Variants in MDGA2 observed in about 807,000 individuals in gnomAD.
MDGA2 encodes MAM domain-containing glycosylphosphatidylinositol anchor protein 2.
Under a neutral mutation model 117.8 loss-of-function variants are expected in MDGA2, and 40 were observed. The ratio of observed to expected loss-of-function variants is 0.34; its 90% CI spans 0.26 to 0.44. The LOEUF is 0.44. MDGA2 is among the 20% of genes least tolerant of loss of function. MDGA2 has a pLI of 1.00. For missense variants in MDGA2, 1,123 were observed against 1,250.6 expected (o/e 0.90, Z 1.54); for synonymous variants, 452 against 439.0 (o/e 1.03, Z -0.37).
intron 1 of MDGA2, among the ~76,000 whole-genome samples, chr14:47,431,904 T>C (rs1335829944): frequency 6.6e-6 from 1 of 152,038 alleles, no homozygotes; most frequent in Non-Finnish European, 1.5e-5. Flanking sequence ...CCACGACATA[T>C]TTGACTACAA....
intron 8 of MDGA2, among the ~76,000 whole-genome samples, chr14:47,017,416 A>G (rs1157483276): frequency 1.3e-5 from 2 of 152,046 alleles, no homozygotes; most frequent in Non-Finnish European, 1.5e-5. Flanking sequence ...AATACATACA[A>G]TAAGAAATAA....
At chr14:47,322,227 A>T (rs1350899688) in intron 1 of MDGA2, among the ~76,000 whole-genome samples, 4 of 152,178 alleles carry the variant, frequency 2.6e-5, no homozygotes, top group Non-Finnish European at 5.9e-5. Context: ...ACCTTAGCAG[A>T]AATAACTTAA....
intron 1 of MDGA2, among the ~76,000 whole-genome samples, chr14:47,358,993 G>T (rs745583926): frequency 5.9e-5 from 9 of 152,132 alleles, no homozygotes; most frequent in Non-Finnish European, 1.2e-4. Context: ...AACCACAAAA[G>T]ACTTCAAGTA....
intron 8 of MDGA2, among the ~76,000 whole-genome samples, chr14:46,974,955 T>A (rs1009515637): frequency 2.0e-5 from 3 of 152,020 alleles, no homozygotes; most frequent in Non-Finnish European, 4.4e-5. Flanking sequence ...CTCAGATTTA[T>A]GATAAGCAAT....
intron 11 of MDGA2, among the ~76,000 whole-genome samples, chr14:46,880,944 A>G (rs1882428881): frequency 6.6e-6 from 1 of 151,652 alleles, no homozygotes; most frequent in Non-Finnish European, 1.5e-5. Context: ...TTTTTCTCCA[A>G]ATAGGACATT....
chr14:47,573,131 A>G (rs1387168748), intron 1 of MDGA2, among the ~76,000 whole-genome samples: 1 of 152,094 alleles, frequency 6.6e-6, no homozygotes. Flanking sequence ...CCATAACCAA[A>G]TATATCCATT....
At chr14:47,323,378 C>T (rs1439612523) in intron 1 of MDGA2, among the ~76,000 whole-genome samples, 1 of 151,770 alleles carries the variant, frequency 6.6e-6, no homozygotes, top group African/African-American at 2.4e-5. Context: ...GTAATCTCAG[C>T]ATACTGGGAG....
chr14:47,671,181 ACC>A (rs1387045464), intron 1 of MDGA2, among the ~76,000 whole-genome samples: 1 of 152,198 alleles, frequency 6.6e-6, no homozygotes, highest in Non-Finnish European at 1.5e-5. Flanking sequence ...CAACTGTGAC[ACC>A]ATATATAAAT....
At position 47,532,191 on chromosome 14, in the gene MDGA2, G is replaced by T. The variant is rs552517925; in HGVS notation, c.280+142326C>A. Among the ~76,000 whole-genome samples, 6 of 152,268 alleles carry T rather than the reference G, an allele frequency of 3.9e-5. No homozygotes were observed. The East Asian group carries it at 7.7e-4, about 20-fold the overall frequency. The stretch of plus-strand genomic sequence containing the variant: ...AATTACCAAGCCCTTTAAAGGCAGA[G>T]AAAAATTTCCAGTTTTCATCTTCCA... On this transcript the variant is annotated intron_variant, in intron 1 of 16. Transcript: ENST00000399232.
intron 2 of MDGA2, among the ~76,000 whole-genome samples, chr14:47,234,901 T>C (rs1041665062): frequency 1.3e-5 from 2 of 152,212 alleles, no homozygotes; most frequent in African/African-American, 4.8e-5. Flanking sequence ...AATTACGGTA[T>C]ATTTACAAAG....
At chr14:47,170,857 T>C (rs1884096934) in intron 3 of MDGA2, among the ~76,000 whole-genome samples, 1 of 152,144 alleles carries the variant, frequency 6.6e-6, no homozygotes, top group African/African-American at 2.4e-5. Flanking sequence ...TTGGCTAACC[T>C]AAAGAAGAAT....
chr14:47,242,363 C>T (rs1160040835), intron 2 of MDGA2, among the ~76,000 whole-genome samples: 1 of 151,918 alleles, frequency 6.6e-6, no homozygotes, highest in Non-Finnish European at 1.5e-5. Flanking sequence ...GCCCTTCAGC[C>T]CCCCACTGTA....
chr14:47,184,572 A>C (rs117689036), intron 3 of MDGA2, among the ~76,000 whole-genome samples: 2,281 of 151,950 alleles, frequency 0.015, 21 homozygotes, highest in Non-Finnish European at 0.021. Context: ...TGCATTTTTC[A>C]GAGGAAGTTT....
chr14:47,384,574 T>C (rs1378011865), intron 1 of MDGA2, among the ~76,000 whole-genome samples: 1 of 152,058 alleles, frequency 6.6e-6, no homozygotes, highest in African/African-American at 2.4e-5. Flanking sequence ...ATTCCCTCTT[T>C]TCCAACCCAG....
chr14:47,117,890 T>C (rs891066853), intron 5 of MDGA2, among the ~76,000 whole-genome samples: 2 of 152,182 alleles, frequency 1.3e-5, no homozygotes, highest in Admixed American at 6.5e-5. Context: ...TTTAGAAGCA[T>C]ATATTTCATG....
At chr14:47,218,237 T>C in intron 2 of MDGA2, 42 bp from the exon 3 acceptor site, 1 of 1,435,918 alleles carries the variant, frequency 7.0e-7, no homozygotes, top group Non-Finnish European at 9.2e-7. Context: ...AGGTTGGTTT[T>C]CCCACAGAGA....
intron 1 of MDGA2, among the ~76,000 whole-genome samples, chr14:47,312,900 A>T (rs1594789229): frequency 7.1e-6 from 1 of 140,010 alleles, no homozygotes. Context: ...TAAATATACA[A>T]GATTTTTAAA....
intron 8 of MDGA2, among the ~76,000 whole-genome samples, chr14:46,998,076 G>A (rs570940209): frequency 2.0e-5 from 3 of 152,114 alleles, no homozygotes; most frequent in East Asian, 1.9e-4. Context: ...TGGAAGAGAA[G>A]GAAAAAAGAG....
At chr14:46,975,152 A>C (rs1486801989) in intron 8 of MDGA2, among the ~76,000 whole-genome samples, 3 of 152,124 alleles carry the variant, frequency 2.0e-5, no homozygotes, top group Non-Finnish European at 4.4e-5. Flanking sequence ...GATGCCATTT[A>C]ATATCCATTA....
Sources: allele counts gnomAD v4.1 joint callset (sites outside exome capture counted in the v4.1 genomes callset), GRCh38; gene constraint gnomAD v4.1.1; transcripts MANE v1.5; gene names NCBI Gene and HGNC (gene_info 2026-07-23, HGNC 2026-07-21).